Variants in SLC6A15 observed in about 807,000 individuals in gnomAD.
SLC6A15 encodes the protein solute carrier family 6 member 15.
SLC6A15 carries 33 observed loss-of-function variants against 68.5 expected under a neutral mutation model. That is an observed-to-expected ratio of 0.48 (90% CI 0.37 to 0.64). SLC6A15 has a LOEUF of 0.64. SLC6A15 is among the 30% of genes least tolerant of loss of function. SLC6A15 has a pLI of 0.00. For missense variants in SLC6A15, 747 were observed against 874.3 expected (o/e 0.85, Z 1.84); for synonymous variants, 347 against 301.0 (o/e 1.15, Z -1.58).
At chr12:84,882,293 G>T (rs1246377773) in intron 5 of SLC6A15, 8 of 985,102 alleles carry the variant, frequency 8.1e-6, no homozygotes, top group Non-Finnish European at 8.4e-6. Context: ...ATAATGTGAC[G>T]GGAATGTGGC....
intron 5 of SLC6A15, chr12:84,883,384 T>C (rs922073195): frequency 9.9e-7 from 1 of 1,014,084 alleles, no homozygotes; most frequent in Middle Eastern, 5.0e-4. Flanking sequence ...TTCAGAGCTT[T>C]AAGAAACACT....
At chr12:84,862,660 T>C (rs1175379087) in intron 11 of SLC6A15, among the ~76,000 whole-genome samples, 1 of 152,186 alleles carries the variant, frequency 6.6e-6, no homozygotes, top group Non-Finnish European at 1.5e-5. Flanking sequence ...GAAATTGAAA[T>C]AGTTATTGCT....
At chr12:84,873,880 A>G (rs1278538979) in intron 6 of SLC6A15, among the ~76,000 whole-genome samples, 1 of 152,352 alleles carries the variant, frequency 6.6e-6, no homozygotes, top group East Asian at 1.9e-4. Flanking sequence ...TTGAAAATTG[A>G]AGAAATTCAC....
chr12:84,883,151 GAAAAA>G lies in SLC6A15; in HGVS notation c.756+703_756+707del, dbSNP rs60034973. ...GCTTTAGAACAATGGCTGTGATAAT[GAAAAA>G]AAAAAAAAAAAAGTAATACGAAAGC... On this transcript the variant is annotated intron_variant, in intron 5 of 11. Coordinates refer to ENST00000266682, the MANE Select transcript of SLC6A15 (RefSeq NM_182767.6). 9.0e-4 allele frequency: 796 copies of G among 886,770 alleles called. 5 individuals are homozygous for G. In the African/African-American group the frequency reaches 0.015, roughly 17 times the overall value. 54.9% of individuals were successfully genotyped at this position (886,770 alleles called of 1,614,324 possible). A position where few individuals can be genotyped will look rare whatever the true frequency, so the allele number is the denominator to read the frequency against.
chr12:84,904,202 GA>G (rs1179630088), intron 1 of SLC6A15, among the ~76,000 whole-genome samples: 10 of 143,926 alleles, frequency 6.9e-5, no homozygotes, highest in Non-Finnish European at 1.5e-4. Flanking sequence ...GAAAGGGAGA[GA>G]AAGGGGGGAG....
intron 2 of SLC6A15, among the ~76,000 whole-genome samples, chr12:84,889,705 T>C (rs1872300697): frequency 6.6e-6 from 1 of 152,084 alleles, no homozygotes; most frequent in Non-Finnish European, 1.5e-5. Context: ...GTATCCCTTA[T>C]AAGAATCCTT....
intron 10 of SLC6A15, among the ~76,000 whole-genome samples, chr12:84,864,272 T>A (rs1870976541): frequency 1.3e-5 from 2 of 151,500 alleles, no homozygotes; most frequent in Admixed American, 1.3e-4. Flanking sequence ...CTACATATAA[T>A]AACTAATTGT....
intron 1 of SLC6A15, among the ~76,000 whole-genome samples, chr12:84,910,220 G>A (rs565968869): frequency 1.4e-4 from 22 of 151,852 alleles, no homozygotes; most frequent in African/African-American, 4.6e-4. Flanking sequence ...TATATAATGT[G>A]CAATCAGAAA....
chr12:84,890,432 G>T (rs1206060573), intron 2 of SLC6A15, among the ~76,000 whole-genome samples: 1 of 152,080 alleles, frequency 6.6e-6, no homozygotes, highest in East Asian at 1.9e-4. Flanking sequence ...TTGATATTCT[G>T]CTAGTCTTGG....
intron 1 of SLC6A15, among the ~76,000 whole-genome samples, chr12:84,900,366 G>C (rs1872805800): frequency 6.6e-6 from 1 of 151,816 alleles, no homozygotes; most frequent in Admixed American, 6.6e-5. Context: ...AAGATCCCGA[G>C]GGACCTCCAC....
rs1481288449 is a variant in SLC6A15 at position 84,860,563 on chromosome 12, A to G, written c.*1069T>C. The G allele has an allele frequency of 6.6e-6, 1 of 152,152 alleles. No homozygotes were observed. The highest frequency in any genetic ancestry group is 2.4e-5 in the African/African-American group (1 of 41,440). The allele number at this position is 152,152 out of a possible 1,614,324, so 9.4% of individuals were successfully genotyped here. A position where few individuals can be genotyped will look rare whatever the true frequency, so the allele number is the denominator to read the frequency against. Reference sequence around the variant, plus strand: ...TCATCCCACTTGGAATGTGATGTTTAGTTATTATGAAATGTCTAAGTGCTG... The same window carrying G: ...TCATCCCACTTGGAATGTGATGTTTGGTTATTATGAAATGTCTAAGTGCTG... On this transcript the variant is annotated 3_prime_UTR_variant, in exon 12 of 12. Transcript: ENST00000266682.
chr12:84,888,093 AC>A (rs200520097), intron 2 of SLC6A15, among the ~76,000 whole-genome samples: 2,564 of 146,946 alleles, frequency 0.017, 61 homozygotes, highest in African/African-American at 0.058. Context: ...AATACAAAAA[AC>A]AAAGGAAAAA....
chr12:84,876,431 G>C, intron 6 of SLC6A15, 66 bp downstream of exon 6: 1 of 835,312 alleles, frequency 1.2e-6, no homozygotes, highest in Non-Finnish European at 1.9e-6. Context: ...ATATAACTTA[G>C]AATATTTTAA....
At chr12:84,897,035 A>G (rs1301102069) in intron 1 of SLC6A15, among the ~76,000 whole-genome samples, 1 of 152,082 alleles carries the variant, frequency 6.6e-6, no homozygotes, top group East Asian at 1.9e-4. Context: ...CCCTAAAAAA[A>G]TACAAAAATT....
At position 84,907,213 on chromosome 12, in the gene SLC6A15, T is replaced by C. The variant is rs562516673; in HGVS notation, c.-189+5310A>G. On this transcript the variant is annotated intron_variant, in intron 1 of 11. Coordinates refer to ENST00000266682, the MANE Select transcript of SLC6A15 (RefSeq NM_182767.6). ...AAATACAAAAATTAGCCGGGCGTGGTGGCGGGTACCTGTAGTCCAAGCTAC... is the reference window on the plus strand; with the variant it reads ...AAATACAAAAATTAGCCGGGCGTGGCGGCGGGTACCTGTAGTCCAAGCTAC... Among the ~76,000 whole-genome samples the C allele has an allele frequency of 7.9e-5, 12 of 152,042 alleles. No individual in the cohort carries two copies. In the South Asian group the frequency reaches 2.5e-3, roughly 32 times the overall value.
chr12:84,883,896 C>G lies in SLC6A15; in HGVS notation c.719G>C (p.Cys240Ser), dbSNP rs769136889. The change falls in exon 5 of 12, where the codon TGC becomes TCC. Residue 240 changes from cysteine (C) to serine (S), a missense_variant. Coordinates refer to ENST00000266682, the MANE Select transcript of SLC6A15 (RefSeq NM_182767.6). ...ICLLAAWVMV[C>S]LAMIKGIQSS... is the part of the protein sequence containing the mutation. The stretch of plus-strand genomic sequence containing the variant: ...CTGAATGCCTTTGATCATAGCCAAG[C>G]AAACCATGACCCAGGCAGCCAACAA... The G allele has an allele frequency of 7.4e-6, 12 of 1,614,072 alleles. No homozygotes were observed. The South Asian group carries it at 9.9e-5, about 13-fold the overall frequency.
intron 2 of SLC6A15, among the ~76,000 whole-genome samples, chr12:84,889,541 A>C (rs77696416): frequency 2.0e-5 from 3 of 152,004 alleles, no homozygotes; most frequent in African/African-American, 4.8e-5. Context: ...AATAAAAAAA[A>C]CAGTTTTCCC....
chr12:84,900,594 C>T (rs1872815733), intron 1 of SLC6A15, among the ~76,000 whole-genome samples: 1 of 151,116 alleles, frequency 6.6e-6, no homozygotes, highest in Non-Finnish European at 1.5e-5. Flanking sequence ...TTTCATAGAT[C>T]CCTTTATTAG....
At chr12:84,862,549 T>C (rs1404874074) in intron 11 of SLC6A15, among the ~76,000 whole-genome samples, 1 of 152,128 alleles carries the variant, frequency 6.6e-6, no homozygotes, top group African/African-American at 2.4e-5. Flanking sequence ...TTATTAACCA[T>C]AGGATAGTTA....
Sources: allele counts gnomAD v4.1 joint callset (sites outside exome capture counted in the v4.1 genomes callset), GRCh38; gene constraint gnomAD v4.1.1; transcripts MANE v1.5; gene names NCBI Gene and HGNC (gene_info 2026-07-23, HGNC 2026-07-21).